The following ANKRD46 variants were observed in gnomAD, a reference collection of about 807,000 sequenced individuals.
The protein encoded by ANKRD46 is ankyrin repeat domain-containing protein 46.
Under a neutral mutation model 19.8 loss-of-function variants are expected in ANKRD46, and 13 were observed. That is an observed-to-expected ratio of 0.66 (90% CI 0.43 to 1.04). The LOEUF (loss-of-function observed/expected upper bound fraction) is 1.04. ANKRD46 is among the 50% of genes least tolerant of loss of function. The pLI is 0.00. For synonymous variants in ANKRD46, 91 were observed against 106.9 expected, an observed-to-expected ratio of 0.85 and a Z score of 0.92; for missense variants, 185 against 274.8, an observed-to-expected ratio of 0.67 and a Z score of 2.31.
At chr8:100,553,017 G>A (rs1196539790) in intron 1 of ANKRD46, among the ~76,000 whole-genome samples, 1 of 152,194 alleles carries the variant, frequency 6.6e-6, no homozygotes, top group East Asian at 1.9e-4. Flanking sequence ...AAGGTCAAAG[G>A]GTGAAGTGCA....
intron 1 of ANKRD46, among the ~76,000 whole-genome samples, chr8:100,547,656 T>C (rs2130697515): frequency 6.6e-6 from 1 of 152,128 alleles, no homozygotes; most frequent in South Asian, 2.1e-4. Context: ...AAACCAGCAC[T>C]CCATACATAT....
chr8:100,512,816 G>A (rs1469377345), intron 5 of ANKRD46, among the ~76,000 whole-genome samples: 1 of 152,192 alleles, frequency 6.6e-6, no homozygotes, highest in African/African-American at 2.4e-5. Flanking sequence ...AGTGTCACAG[G>A]ATGTGCATTG....
rs80045835 is a variant in ANKRD46 at position 100,510,880 on chromosome 8, C to A, written c.637-241G>T. Among the ~76,000 whole-genome samples, 1 of 152,094 alleles carries A rather than the reference C, an allele frequency of 6.6e-6. No individual in the cohort carries two copies. The highest frequency in any genetic ancestry group is 1.5e-5 in the Non-Finnish European group (1 of 68,014). On this transcript the variant is annotated intron_variant, in intron 5 of 5. Transcript: ENST00000520552. This position sits in a 1 kb window ranked among gnomAD's most constrained non-coding sequence, Gnocchi z 4.9. ...GCAAGGACTGTGTTCAATGTCCTCT[C>A]GAGCTAATAATTAAGGTATTATTTA...
chr8:100,553,664 G>A (rs1451332481), intron 1 of ANKRD46, among the ~76,000 whole-genome samples: 8 of 152,102 alleles, frequency 5.3e-5, no homozygotes, highest in African/African-American at 1.7e-4. Context: ...CAGGAGAATC[G>A]CTTCAACCCA....
At chr8:100,514,691 G>C (rs920301686) in intron 5 of ANKRD46, among the ~76,000 whole-genome samples, 1 of 134,520 alleles carries the variant, frequency 7.4e-6, no homozygotes, top group South Asian at 2.4e-4. Context: ...GTGCAATCTC[G>C]GCTTACTGCA....
Position 100,522,291 on chromosome 8 carries a change from T to G in ANKRD46, c.*264A>C. 7.9e-7 allele frequency: 1 copy of G among 1,263,168 alleles called. No individual in the cohort carries two copies. Among genetic ancestry groups the G allele is most frequent in the Non-Finnish European group, 1.0e-6 (1 of 999,536 alleles). 78.2% of individuals were successfully genotyped at this position (1,263,168 alleles called of 1,614,324 possible). A position where few individuals can be genotyped will look rare whatever the true frequency, so the allele number is the denominator to read the frequency against. On this transcript the variant is annotated 3_prime_UTR_variant, in exon 5 of 5. Transcript: ENST00000335659. Reference sequence around the variant, plus strand: ...CTTCCATTCTCTAGTCACTTCCGTGTTTTTATCAAACAAGGCTACGTGTAG... The same window carrying G: ...CTTCCATTCTCTAGTCACTTCCGTGGTTTTATCAAACAAGGCTACGTGTAG...
chr8:100,529,972 TAAA>T lies in ANKRD46; in HGVS notation c.-27-115_-27-113del. ...TTTTTGGCCTCCTGCCTCTAATAAA[TAAA>T]TGACCAAACAGAAACAACAACAAAG... On this transcript the variant is annotated intron_variant, in intron 2 of 4. Coordinates refer to ENST00000335659, the MANE Select transcript of ANKRD46 (RefSeq NM_001270377.2). The surrounding 1 kb of genome is among the most constrained non-coding windows in gnomAD (Gnocchi z 5.8). 1 of 702,208 alleles carries T rather than the reference TAAA, an allele frequency of 1.4e-6. No homozygotes were observed. Among genetic ancestry groups the T allele is most frequent in the East Asian group, 2.8e-5 (1 of 36,140 alleles). The allele number at this position is 702,208 out of a possible 1,614,324, so 43.5% of individuals were successfully genotyped here.
chr8:100,511,119 T>C lies in ANKRD46; in HGVS notation c.637-480A>G, dbSNP rs7012691. Among the ~76,000 whole-genome samples, 3 of 152,164 alleles carry C rather than the reference T, an allele frequency of 2.0e-5. No homozygotes were observed. Among genetic ancestry groups the C allele is most frequent in the Non-Finnish European group, 2.9e-5 (2 of 68,020 alleles). On this transcript the variant is annotated intron_variant, in intron 5 of 5. Transcript: ENST00000520552. This position sits in a 1 kb window ranked among gnomAD's most constrained non-coding sequence, Gnocchi z 4.1. ...GAGAGCTGCTGTGCACCAACAACAG[T>C]GTTGAGCGGCTTACACATCGCAGCT...
rs1340656666 is a variant in ANKRD46, at chr8:100,534,079, G to T, written c.-130-768C>A. Among the ~76,000 whole-genome samples the T allele has an allele frequency of 6.6e-6, 1 of 152,212 alleles. No individual in the cohort carries two copies. The highest frequency in any genetic ancestry group is 1.5e-5 in the Non-Finnish European group (1 of 68,038). ...AGTTCATGAAACAAACATTCACTGT[G>T]TGCCTGCAATGTGCCAGATACCATG... is the stretch of plus-strand genomic sequence containing the variant. On this transcript the variant is annotated intron_variant, in intron 1 of 4. Transcript: ENST00000335659. This position sits in a 1 kb window ranked among gnomAD's most constrained non-coding sequence, Gnocchi z 4.2.
rs1410535922 is a variant in ANKRD46, at chr8:100,523,682, C to T, written c.471-911G>A. The stretch of plus-strand genomic sequence containing the variant: ...TTTTGGAGACAGAATCTCACTCTGC[C>T]GCCCAGGCTGGAATACAGTGATGCG... On this transcript the variant is annotated intron_variant, in intron 4 of 4. Transcript: ENST00000335659. 2.6e-5 allele frequency among the ~76,000 whole-genome samples: 4 copies of T among 152,126 alleles called. No individual in the cohort carries two copies. In the East Asian group the frequency reaches 5.8e-4, roughly 22 times the overall value.
downstream of ANKRD46, among the ~76,000 whole-genome samples, chr8:100,517,490 T>C (rs768816439): frequency 6.6e-5 from 10 of 152,194 alleles, no homozygotes; most frequent in Non-Finnish European, 1.3e-4. Context: ...GAGTGTTGGG[T>C]AGCAAGGAAC....
intron 5 of ANKRD46, among the ~76,000 whole-genome samples, chr8:100,514,629 T>TTTTTTG: frequency 7.6e-6 from 1 of 130,838 alleles, no homozygotes; most frequent in Non-Finnish European, 1.6e-5. Flanking sequence ...TTTTTTTTTT[T>TTTTTTG]TTTTTTTTTT....
At position 100,527,830 on chromosome 8, in the gene ANKRD46, T is replaced by C. The variant is rs1452704829; in HGVS notation, c.470+15A>G. ...GAGTAATACAGTGAGAAAAAAAAAG[T>C]TGTATCTCCAGTACCTTTCACTCTC... On this transcript the variant is annotated intron_variant, in intron 4 of 4. Transcript: ENST00000335659. This position sits in a 1 kb window ranked among gnomAD's most constrained non-coding sequence, Gnocchi z 4.0. The C allele has an allele frequency of 1.9e-6, 3 of 1,606,554 alleles. No homozygotes were observed. Among genetic ancestry groups the C allele is most frequent in the Non-Finnish European group, 2.5e-6 (3 of 1,177,330 alleles).
At chr8:100,519,289 G>A (rs915792465), downstream of ANKRD46, among the ~76,000 whole-genome samples, 1 of 152,170 alleles carries the variant, frequency 6.6e-6, no homozygotes, top group Non-Finnish European at 1.5e-5. Flanking sequence ...TCCTACGAGG[G>A]AGTCACAGGA....
At chr8:100,523,449 G>T (rs184876181) in intron 4 of ANKRD46, among the ~76,000 whole-genome samples, 110 of 151,736 alleles carry the variant, frequency 7.2e-4, no homozygotes, top group Non-Finnish European at 1.4e-3. Flanking sequence ...ATGTCTGTTG[G>T]GGGGAGGGGG....
Position 100,527,744 on chromosome 8 carries a change from A to T in ANKRD46, c.470+101T>A. 1 of 1,279,650 alleles carries T rather than the reference A, an allele frequency of 7.8e-7. No individual in the cohort carries two copies. The highest frequency in any genetic ancestry group is 1.1e-6 in the Non-Finnish European group (1 of 946,630). 79.3% of individuals were successfully genotyped at this position (1,279,650 alleles called of 1,614,324 possible). On this transcript the variant is annotated intron_variant, in intron 4 of 4. Coordinates refer to ENST00000335659, the MANE Select transcript of ANKRD46 (RefSeq NM_001270377.2). The surrounding 1 kb of genome is among the most constrained non-coding windows in gnomAD (Gnocchi z 4.0). ...GCTGGGTGTGGCTACATGTGCCTAT[A>T]GTCCCAGCTAGTCAGGAGGCTGAGG... is the stretch of plus-strand genomic sequence containing the variant.
rs1376582542 is a variant in ANKRD46 at position 100,529,534 on chromosome 8, T to C, written c.300A>G (p.Lys100=). The C allele has an allele frequency of 6.2e-7, 1 of 1,610,748 alleles. No homozygotes were observed. The highest frequency in any genetic ancestry group is 1.7e-5 in the Admixed American group (1 of 59,922). The change falls in exon 3 of 5, where the codon AAA becomes AAG. Residue 100 remains lysine (K), a synonymous_variant. Transcript: ENST00000335659. This position sits in a 1 kb window ranked among gnomAD's most constrained non-coding sequence, Gnocchi z 5.8. ...TIQFLVSNGL[K]IDICNHQGAT... is the part of the protein sequence containing the mutation. ...AACAGAGAACTTACCAAATATCAAT[T>C]TTGAGTCCATTGGAAACCAAAAATT...
rs574221872 is a variant in ANKRD46, at chr8:100,544,002, T to C, written c.-130-10691A>G. ...AAGAGTTCTTAATGTCAAAGACCTT[T>C]ATGTCCACATCACTTCCATCACTTA... On this transcript the variant is annotated intron_variant, in intron 1 of 4. Transcript: ENST00000335659. This position sits in a 1 kb window ranked among gnomAD's most constrained non-coding sequence, Gnocchi z 4.4. Among the ~76,000 whole-genome samples the C allele has an allele frequency of 7.2e-5, 11 of 152,356 alleles. No homozygotes were observed. The highest frequency in any genetic ancestry group is 3.9e-4 in the Admixed American group (6 of 15,298).
At chr8:100,520,422 T>A (rs1241510940), downstream of ANKRD46, among the ~76,000 whole-genome samples, 1 of 152,130 alleles carries the variant, frequency 6.6e-6, no homozygotes, top group Non-Finnish European at 1.5e-5. Context: ...CCTACCTGTT[T>A]GACCTTGGAC....
Sources: allele counts gnomAD v4.1 joint callset (sites outside exome capture counted in the v4.1 genomes callset), GRCh38; gene constraint gnomAD v4.1.1; non-coding constraint Gnocchi (gnomAD v3.1); transcripts MANE v1.5; gene names NCBI Gene and HGNC (gene_info 2026-07-23, HGNC 2026-07-21).